Variants in SLC5A1 observed in about 807,000 individuals in gnomAD.
The protein encoded by SLC5A1 is solute carrier family 5 member 1, also known as sodium/glucose cotransporter 1.
A neutral mutation model predicts 73.5 loss-of-function variants in SLC5A1; 42 were observed. The observed-to-expected ratio is 0.57, with a 90% CI of 0.45 to 0.74. The LOEUF is 0.74. Among genes scored for constraint, SLC5A1 ranks in the 30% least tolerant of loss-of-function variants. The probability of loss-of-function intolerance (pLI) is 0.00; values close to 1 mark genes in which losing one functional copy is unlikely to be tolerated. For synonymous variants in SLC5A1, 300 were observed against 317.4 expected, an observed-to-expected ratio of 0.95 and a Z score of 0.58; for missense variants, 634 against 855.4, an observed-to-expected ratio of 0.74 and a Z score of 3.23.
chr22:32,072,452 C>T (rs1359103537), intron 5 of SLC5A1, among the ~76,000 whole-genome samples: 7 of 152,130 alleles, frequency 4.6e-5, no homozygotes, highest in Non-Finnish European at 1.0e-4. Flanking sequence ...TTTCTTTATT[C>T]AGTCCACCAC....
chr22:32,049,535 A>G (rs2093942522), intron 1 of SLC5A1, among the ~76,000 whole-genome samples: 1 of 148,424 alleles, frequency 6.7e-6, no homozygotes, highest in Non-Finnish European at 1.5e-5. Context: ...ACATGCCACC[A>G]TGTGGCTGTA....
intron 14 of SLC5A1, among the ~76,000 whole-genome samples, chr22:32,107,951 G>T (rs2094049283): frequency 6.6e-6 from 1 of 152,042 alleles, no homozygotes; most frequent in African/African-American, 2.4e-5. Flanking sequence ...CATCGATAAT[G>T]ATATGATCAT....
At chr22:32,057,694 A>C (rs2093953921) in intron 2 of SLC5A1, among the ~76,000 whole-genome samples, 1 of 152,212 alleles carries the variant, frequency 6.6e-6, no homozygotes, top group African/African-American at 2.4e-5. Context: ...TCTGGGCTAC[A>C]ATTTTATTTT....
Position 32,043,285 on chromosome 22 carries a change from G to T in SLC5A1, c.4G>T (p.Asp2Tyr). 1 of 1,613,972 alleles carries T rather than the reference G, an allele frequency of 6.2e-7. No individual in the cohort carries two copies. The highest frequency in any genetic ancestry group is 8.5e-7 in the Non-Finnish European group (1 of 1,180,028). The change falls in exon 1 of 15, where the codon GAC (aspartate) becomes TAC (tyrosine). Residue 2 changes from aspartate to tyrosine, a missense_variant. Transcript: ENST00000266088. This position sits in a 1 kb window ranked among gnomAD's most constrained non-coding sequence, Gnocchi z 6.5. M[D>Y]SSTWSPKTTA... ...GGAAGGACGCAACGCTGCCACCATG[G>T]ACAGTAGCACCTGGAGCCCCAAGAC...
At position 32,102,004 on chromosome 22, in the gene SLC5A1, C is replaced by T. The variant is rs936383273; in HGVS notation, c.1450-18C>T. 9 of 1,595,722 alleles carry T rather than the reference C, an allele frequency of 5.6e-6. No individual in the cohort carries two copies. Among genetic ancestry groups the T allele is most frequent in the East Asian group, 2.2e-5 (1 of 44,818 alleles). On this transcript the variant is annotated intron_variant, in intron 12 of 14. Coordinates refer to ENST00000266088, the MANE Select transcript of SLC5A1 (RefSeq NM_000343.4). Reference sequence around the variant, plus strand: ...TTTGTGTGTTCAGCATGAGTTAACCCAGGGTTTTCTTTCACAGGGAGCCTT... The same window carrying T: ...TTTGTGTGTTCAGCATGAGTTAACCTAGGGTTTTCTTTCACAGGGAGCCTT...
intron 5 of SLC5A1, among the ~76,000 whole-genome samples, chr22:32,075,964 G>A (rs191543763): frequency 4.6e-5 from 7 of 152,302 alleles, no homozygotes; most frequent in East Asian, 3.9e-4. Context: ...AACAAAATAC[G>A]GTGATAAGGC....
At chr22:32,091,539 T>G in intron 10 of SLC5A1, 73 bp from the exon 11 acceptor site, 3 of 1,538,310 alleles carry the variant, frequency 2.0e-6, no homozygotes, top group Non-Finnish European at 2.7e-6. Flanking sequence ...AAATCTTGAG[T>G]CCTCATATAT....
chr22:32,104,642 A>G (rs2094041923), intron 13 of SLC5A1, 144 bp from the exon 14 acceptor site: 1 of 702,462 alleles, frequency 1.4e-6, no homozygotes, highest in Non-Finnish European at 2.6e-6. Flanking sequence ...AATGTTATGG[A>G]TGAGAATCGT....
intron 5 of SLC5A1, among the ~76,000 whole-genome samples, chr22:32,071,745 G>C (rs2093983223): frequency 6.6e-6 from 1 of 152,078 alleles, no homozygotes; most frequent in South Asian, 2.1e-4. Flanking sequence ...TCTTGCAAAA[G>C]ATCTGCCCTG....
chr22:32,099,105 A>AATATAT lies in SLC5A1; in HGVS notation c.1281-56_1281-51dup, dbSNP rs765568860. Reference sequence around the variant, plus strand: ...GTCTCAAAAAAAAAAAAAAAAAAAAAATATATATATATATATATATATATA... The same window carrying AATATAT: ...GTCTCAAAAAAAAAAAAAAAAAAAAAATATATATATATATATATATATATATATATA... On this transcript the variant is annotated intron_variant, in intron 11 of 14. Coordinates refer to ENST00000266088, the MANE Select transcript of SLC5A1 (RefSeq NM_000343.4). 6.2e-3 allele frequency: 360 copies of AATATAT among 57,608 alleles called. 3 individuals carry two copies. Among genetic ancestry groups the AATATAT allele is most frequent in the East Asian group, 0.024 (27 of 1,112 alleles). The allele number at this position is 57,608 out of a possible 1,614,324, so 3.6% of individuals were successfully genotyped here.
chr22:32,045,055 G>T (rs1336728221), intron 1 of SLC5A1, among the ~76,000 whole-genome samples: 2 of 152,168 alleles, frequency 1.3e-5, no homozygotes, highest in African/African-American at 2.4e-5. Flanking sequence ...TACAATAGAT[G>T]AAATTGTTCC....
At chr22:32,101,893 A>T in intron 12 of SLC5A1, 129 bp from the exon 13 acceptor site, 1 of 744,882 alleles carries the variant, frequency 1.3e-6, no homozygotes, top group Non-Finnish European at 2.4e-6. Flanking sequence ...TTCTGGGTTC[A>T]GACAGCCTGG....
At chr22:32,070,682 C>G (rs1201425440) in intron 5 of SLC5A1, among the ~76,000 whole-genome samples, 6 of 152,038 alleles carry the variant, frequency 3.9e-5, no homozygotes, top group African/African-American at 1.2e-4. Context: ...GTGTTCAGGT[C>G]AATTCCTCTT....
chr22:32,049,094 AT>A (rs201172911), intron 1 of SLC5A1, among the ~76,000 whole-genome samples: 2,942 of 104,844 alleles, frequency 0.028, 144 homozygotes, highest in African/African-American at 0.14. Context: ...ATAAATAAAT[AT>A]ATATATATAT....
At chr22:32,083,359 G>C (rs931642836) in intron 7 of SLC5A1, among the ~76,000 whole-genome samples, 1 of 152,218 alleles carries the variant, frequency 6.6e-6, no homozygotes, top group Non-Finnish European at 1.5e-5. Context: ...GAAGACTGAA[G>C]CTGGGGCTGG....
chr22:32,094,979 G>A (rs2094023948), intron 11 of SLC5A1, among the ~76,000 whole-genome samples: 1 of 151,772 alleles, frequency 6.6e-6, no homozygotes, highest in South Asian at 2.1e-4. Flanking sequence ...AGGCATTTAG[G>A]GCTATGAACT....
intron 2 of SLC5A1, among the ~76,000 whole-genome samples, chr22:32,056,437 C>CTTTTT (rs35843263): frequency 1.6e-4 from 20 of 121,606 alleles, no homozygotes; most frequent in African/African-American, 3.3e-4. Context: ...ACCTTCCTGT[C>CTTTTT]TTTTTTTTTT....
intron 2 of SLC5A1, among the ~76,000 whole-genome samples, chr22:32,055,579 C>G (rs981289473): frequency 1.3e-5 from 2 of 152,128 alleles, no homozygotes; most frequent in Non-Finnish European, 1.5e-5. Context: ...CCCCACTGTG[C>G]CCCTTCAGGG....
intron 2 of SLC5A1, among the ~76,000 whole-genome samples, chr22:32,058,231 C>T (rs1012931006): frequency 3.3e-5 from 5 of 152,100 alleles, no homozygotes; most frequent in Admixed American, 6.5e-5. Context: ...GCACACTATT[C>T]CATCATATGG....
Sources: gnomAD v4.1 joint callset for allele counts (sites outside exome capture counted in the v4.1 genomes callset) on GRCh38, gnomAD v4.1.1 for gene constraint, Gnocchi (gnomAD v3.1) non-coding constraint, MANE v1.5 for transcripts, NCBI Gene and HGNC (gene_info 2026-07-23, HGNC 2026-07-21) for gene names.